AMPD2: variants seen among roughly 807,000 people sequenced by gnomAD.
AMPD2 encodes the protein AMP deaminase 2.
A neutral mutation model predicts 91.3 loss-of-function variants in AMPD2; 52 were observed. That is an observed-to-expected ratio of 0.57 (90% confidence interval 0.46 to 0.72). AMPD2 has a LOEUF of 0.72. Among genes scored for constraint, AMPD2 ranks in the 30% least tolerant of loss-of-function variants. The pLI, the probability that AMPD2 is intolerant of heterozygous loss-of-function variation, is 0.00. For missense variants in AMPD2, 822 were observed against 1,122.3 expected (o/e 0.73, Z 3.82); for synonymous variants, 455 against 456.4 (o/e 1.00, Z 0.04).
intron 13 of AMPD2, 23 bp from the exon 14 acceptor site, chr1:109,629,086 C>T (rs1392037602): frequency 6.2e-7 from 1 of 1,611,972 alleles, no homozygotes; most frequent in Non-Finnish European, 8.5e-7. Flanking sequence ...CTTGCACATA[C>T]CTGCATGTTG....
rs763310916 is a variant in AMPD2, at chr1:109,621,183, C to T, written c.8C>T (p.Ser3Phe). The T allele has an allele frequency of 1.1e-4, 173 of 1,604,890 alleles. 1 individual carries two copies. In the Middle Eastern group the frequency reaches 2.8e-3, roughly 26 times the overall value. MA[S>F]YPSGSGKPKA... Reference sequence around the variant, plus strand: ...GCCGCCGTGGTCCCAGCCATGGCATCCTATCCATCTGGCTCTGGCAAGCCC... The same window carrying T: ...GCCGCCGTGGTCCCAGCCATGGCATTCTATCCATCTGGCTCTGGCAAGCCC... Residue 3 changes from serine to phenylalanine, a missense_variant, in exon 2 of 19, where the codon TCC becomes TTC. Physicochemically the swap from Ser to Phe is radical, Grantham distance 155. Transcript: ENST00000528667.
rs376791971 is a variant in AMPD2, at chr1:109,630,915, C to T, written c.2269-28C>T. On this transcript the variant is annotated intron_variant, in intron 18 of 18. Coordinates refer to ENST00000528667, the MANE Select transcript of AMPD2 (RefSeq NM_001368809.2). ...CATGACCCCTCAGCACTGGCTGCAGCCCTGCCCATTACCCCCGCTCCTTGC... is the reference window on the plus strand; with the variant it reads ...CATGACCCCTCAGCACTGGCTGCAGTCCTGCCCATTACCCCCGCTCCTTGC... The T allele has an allele frequency of 6.5e-5, 105 of 1,612,076 alleles. No homozygotes were observed. The South Asian group carries it at 6.9e-4, about 11-fold the overall frequency.
intron 17 of AMPD2, 138 bp downstream of exon 17, chr1:109,630,544 C>G: frequency 7.4e-6 from 7 of 945,964 alleles, no homozygotes; most frequent in Non-Finnish European, 1.0e-5. Context: ...GGCCAATTGA[C>G]AAGTCTTATG....
rs975225026 is a variant in AMPD2, at chr1:109,628,011, T to C, written c.1081-72T>C. ...ACAGCATCCAGTACAGAGGGTCCTT[T>C]CCCATTGCACTGCCCCAGGCCCCAG... On this transcript the variant is annotated intron_variant, in intron 10 of 18. Transcript: ENST00000528667. The surrounding 1 kb of genome is among the most constrained non-coding windows in gnomAD (Gnocchi z 7.1). 5 of 1,597,230 alleles carry C rather than the reference T, an allele frequency of 3.1e-6. No individual in the cohort carries two copies. The highest frequency in any genetic ancestry group is 4.3e-6 in the Non-Finnish European group (5 of 1,170,230).
chr1:109,622,817 GC>G (rs1222013568), intron 2 of AMPD2, among the ~76,000 whole-genome samples: 5 of 152,086 alleles, frequency 3.3e-5, no homozygotes, highest in African/African-American at 1.2e-4. Flanking sequence ...ATATGAACCA[GC>G]CATGGAGGTC....
rs1651253187 is a variant in AMPD2, at chr1:109,631,318, T to C, written c.*166T>C. On this transcript the variant is annotated 3_prime_UTR_variant, in exon 19 of 19. Coordinates refer to ENST00000528667, the MANE Select transcript of AMPD2 (RefSeq NM_001368809.2). ...TGGGCCACCCAGTGAAAGCAAAGCC[T>C]GGGAATCTGCTCATTGTTGTTTGGG... 9 of 726,522 alleles carry C rather than the reference T, an allele frequency of 1.2e-5. No homozygotes were observed. Among genetic ancestry groups the C allele is most frequent in the Non-Finnish European group, 1.9e-5 (8 of 432,060 alleles). The allele number at this position is 726,522 out of a possible 1,614,324, so 45.0% of individuals were successfully genotyped here.
chr1:109,628,045 G>C lies in AMPD2; in HGVS notation c.1081-38G>C. The C allele has an allele frequency of 6.2e-7, 1 of 1,604,110 alleles. No homozygotes were observed. Among genetic ancestry groups the C allele is most frequent in the Non-Finnish European group, 8.5e-7 (1 of 1,173,688 alleles). On this transcript the variant is annotated intron_variant, in intron 10 of 18. Coordinates refer to ENST00000528667, the MANE Select transcript of AMPD2 (RefSeq NM_001368809.2). The surrounding 1 kb of genome is among the most constrained non-coding windows in gnomAD (Gnocchi z 7.1). ...ACTGCCCCAGGCCCCAGACCTTCCT[G>C]GCCTCTGGTGGATCAGCAGTGCCCT...
Position 109,627,396 on chromosome 1 carries a change from T to G in AMPD2, c.861-33T>G, listed in dbSNP as rs1650796790. The G allele has an allele frequency of 2.5e-6, 4 of 1,614,032 alleles. No individual in the cohort carries two copies. In the East Asian group the frequency reaches 8.9e-5, roughly 36 times the overall value. On this transcript the variant is annotated intron_variant, in intron 8 of 18. Coordinates refer to ENST00000528667, the MANE Select transcript of AMPD2 (RefSeq NM_001368809.2). ...TTGGGAGAGGCCACAGGGCTCGGCT[T>G]GCTCTCCTCACCCAAGCTCCCCTCC...
Position 109,631,288 on chromosome 1 carries a change from G to A in AMPD2, c.*136G>A. The A allele has an allele frequency of 1.1e-6, 1 of 908,886 alleles. No homozygotes were observed. The highest frequency in any genetic ancestry group is 1.6e-5 in the South Asian group (1 of 61,536). The allele number at this position is 908,886 out of a possible 1,614,324, so 56.3% of individuals were successfully genotyped here. A position where few individuals can be genotyped will look rare whatever the true frequency, so the allele number is the denominator to read the frequency against. On this transcript the variant is annotated 3_prime_UTR_variant, in exon 19 of 19. Coordinates refer to ENST00000528667, the MANE Select transcript of AMPD2 (RefSeq NM_001368809.2). ...CTTGCATGTCTCCTACCATGTCACT[G>A]TCCCTGGGCCACCCAGTGAAAGCAA...
intron 15 of AMPD2, 87 bp from the exon 16 acceptor site, chr1:109,629,709 C>T (rs1651032830): frequency 9.5e-6 from 14 of 1,477,572 alleles, no homozygotes; most frequent in Non-Finnish European, 1.3e-5. Context: ...GGCTGGAGGA[C>T]ATATGCGTGC....
intron 1 of AMPD2, 31 bp downstream of exon 1, chr1:109,620,309 G>T (rs1219867580): frequency 6.2e-7 from 1 of 1,613,388 alleles, no homozygotes; most frequent in Non-Finnish European, 8.5e-7. Context: ...TGGAGGGAGG[G>T]TCTCTGGGAC....
chr1:109,631,362 T>C lies in AMPD2; in HGVS notation c.*210T>C. The C allele has an allele frequency of 3.2e-6, 2 of 616,796 alleles. No homozygotes were observed. Among genetic ancestry groups the C allele is most frequent in the Non-Finnish European group, 5.7e-6 (2 of 350,246 alleles). The allele number at this position is 616,796 out of a possible 1,614,324, so 38.2% of individuals were successfully genotyped here. ...GTTTGGGCTCAGGTATTGAGCCTGA[T>C]GGCCCAGGTATTGAGGGCCTCCCCT... On this transcript the variant is annotated 3_prime_UTR_variant, in exon 19 of 19. Coordinates refer to ENST00000528667, the MANE Select transcript of AMPD2 (RefSeq NM_001368809.2).
intron 17 of AMPD2, 49 bp from the exon 18 acceptor site, chr1:109,630,634 G>A: frequency 3.3e-6 from 5 of 1,527,598 alleles, no homozygotes; most frequent in Non-Finnish European, 4.4e-6. Flanking sequence ...AAGGGAGGCA[G>A]GGGCAGCTGG....
chr1:109,622,573 A>T (rs1161869042), intron 2 of AMPD2, among the ~76,000 whole-genome samples: 1 of 152,082 alleles, frequency 6.6e-6, no homozygotes. Context: ...TAGAGAAAGG[A>T]CCAGTAGGCA....
chr1:109,627,412 GCTCCCCTCC>G lies in AMPD2; in HGVS notation c.861-16_861-8del, dbSNP rs1334874167. 4 of 1,613,970 alleles carry G rather than the reference GCTCCCCTCC, an allele frequency of 2.5e-6. No individual in the cohort carries two copies. The African/African-American group carries it at 5.3e-5, about 22-fold the overall frequency. On this transcript the variant is annotated splice_polypyrimidine_tract_variant and splice_region_variant and intron_variant, in intron 8 of 18. Transcript: ENST00000528667. ...GGCTCGGCTTGCTCTCCTCACCCAAGCTCCCCTCCATGCCAGTTGCTCAGAGGTGGAGCT... is the reference window on the plus strand; with the variant it reads ...GGCTCGGCTTGCTCTCCTCACCCAAGATGCCAGTTGCTCAGAGGTGGAGCT...
At chr1:109,623,504 C>T (rs373095193) in intron 2 of AMPD2, among the ~76,000 whole-genome samples, 1 of 152,174 alleles carries the variant, frequency 6.6e-6, no homozygotes, top group African/African-American at 2.4e-5. Flanking sequence ...CCTACCTAGA[C>T]TGGGCCATTT....
Position 109,626,768 on chromosome 1 carries a change from C to A in AMPD2, c.574C>A (p.Arg192=), listed in dbSNP as rs762910071. ...DLLDAAKSVV[R]ALFIREKYMA... ...GCTGGATGCAGCCAAGAGTGTGGTG[C>A]GGGCGCTCTTCATCCGGGAGAAGTA... is the stretch of plus-strand genomic sequence containing the variant. The change falls in exon 7 of 19, where the codon CGG becomes AGG. Residue 192 remains arginine (R), a synonymous_variant. Transcript: ENST00000528667. 2.5e-6 allele frequency: 4 copies of A among 1,613,820 alleles called. No individual in the cohort carries two copies. Among genetic ancestry groups the A allele is most frequent in the Non-Finnish European group, 3.4e-6 (4 of 1,179,848 alleles).
intron 2 of AMPD2, among the ~76,000 whole-genome samples, chr1:109,622,546 T>G (rs1413215112): frequency 6.6e-6 from 1 of 152,104 alleles, no homozygotes; most frequent in East Asian, 1.9e-4. Context: ...TGGGTGTATG[T>G]GTGTGGTGCT....
At position 109,630,408 on chromosome 1, in the gene AMPD2, T is replaced by G; in HGVS notation, c.2157+2T>G. The G allele has an allele frequency of 7.1e-7, 1 of 1,414,924 alleles. No homozygotes were observed. Among genetic ancestry groups the G allele is most frequent in the Non-Finnish European group, 9.4e-7 (1 of 1,062,340 alleles). 87.6% of individuals were successfully genotyped at this position (1,414,924 alleles called of 1,614,324 possible). A position where few individuals can be genotyped will look rare whatever the true frequency, so the allele number is the denominator to read the frequency against. ...CCCTTGCAGTTCCACTTCACCAAGG[T>G]CAGAGCCCAGCAGGCAGCCAGGCGG... On this transcript the variant is annotated splice_donor_variant, in intron 17 of 18. Coordinates refer to ENST00000528667, the MANE Select transcript of AMPD2 (RefSeq NM_001368809.2). LOFTEE classifies it high-confidence loss of function.
Sources: allele counts gnomAD v4.1 joint callset (sites outside exome capture counted in the v4.1 genomes callset), GRCh38; gene constraint gnomAD v4.1.1; non-coding constraint Gnocchi (gnomAD v3.1); transcripts MANE v1.5; gene names NCBI Gene and HGNC (gene_info 2026-07-23, HGNC 2026-07-21).